The following RAB3C variants were observed in gnomAD, a reference collection of about 807,000 sequenced individuals.
RAB3C encodes the protein ras-related protein Rab-3C.
In RAB3C, 17 loss-of-function variants were observed where a neutral mutation model predicts 26.4. That is an observed-to-expected ratio of 0.64 (90% CI 0.44 to 0.97). The LOEUF is 0.97. Ranked by LOEUF, RAB3C falls within the 50% of genes least tolerant of loss-of-function variation. The pLI is 0.00. For missense variants in RAB3C, 242 were observed against 281.9 expected (o/e 0.86, Z 1.01); for synonymous variants, 91 against 95.9 (o/e 0.95, Z 0.30).
chr5:58,663,658 GA>G (rs2111810761), intron 2 of RAB3C, among the ~76,000 whole-genome samples: 1 of 152,164 alleles, frequency 6.6e-6, no homozygotes, highest in Non-Finnish European at 1.5e-5. Flanking sequence ...ATAAGGGTAA[GA>G]AAAGTTGCTT....
chr5:58,585,046 A>G (rs1357046709), intron 1 of RAB3C, among the ~76,000 whole-genome samples: 1 of 152,062 alleles, frequency 6.6e-6, no homozygotes, highest in Non-Finnish European at 1.5e-5. Flanking sequence ...GGATGGAGTT[A>G]TTGTCATATT....
intron 3 of RAB3C, among the ~76,000 whole-genome samples, chr5:58,771,816 C>CT (rs1009849339): frequency 1.2e-4 from 18 of 148,012 alleles, no homozygotes; most frequent in South Asian, 8.6e-4. Context: ...GTGAAAACAT[C>CT]TTTTTTTTTC....
At chr5:58,743,965 C>T (rs1741337485) in intron 3 of RAB3C, among the ~76,000 whole-genome samples, 1 of 152,178 alleles carries the variant, frequency 6.6e-6, no homozygotes, top group Non-Finnish European at 1.5e-5. Flanking sequence ...GCCCTTACCT[C>T]TATGGCCAAT....
At chr5:58,687,460 A>C (rs1019974701) in intron 2 of RAB3C, among the ~76,000 whole-genome samples, 4 of 152,156 alleles carry the variant, frequency 2.6e-5, no homozygotes, top group African/African-American at 9.7e-5. Context: ...TGTGGACTAA[A>C]AACAACAACA....
In RAB3C at chr5:58,800,231, C is replaced by A. The variant is rs539676007; in HGVS notation, c.372-24807C>A. Among the ~76,000 whole-genome samples the A allele has an allele frequency of 5.3e-5, 8 of 152,304 alleles. No individual in the cohort carries two copies. The South Asian group carries it at 1.5e-3, about 28-fold the overall frequency. ...TAACTAGTCATAAAGCAAACTCATT[C>A]TTTGGTGGTTATGAGAAGCAGCCTC... On this transcript the variant is annotated intron_variant, in intron 3 of 4. Transcript: ENST00000282878.
chr5:58,814,902 G>A (rs1743183313), intron 3 of RAB3C, among the ~76,000 whole-genome samples: 1 of 152,158 alleles, frequency 6.6e-6, no homozygotes, highest in African/African-American at 2.4e-5. Flanking sequence ...AGAATTGGAT[G>A]TGGTGCAAGG....
intron 3 of RAB3C, among the ~76,000 whole-genome samples, chr5:58,797,014 C>CACACACACACACA (rs1561133214): frequency 6.7e-6 from 1 of 149,434 alleles, no homozygotes; most frequent in African/African-American, 2.5e-5. Context: ...CACACACACA[C>CACACACACACACA]CTACCTTCCC....
In RAB3C at chr5:58,841,063, T is replaced by G. The variant is rs181657086; in HGVS notation, c.497-10101T>G. ...TGCAAGGCTGTTTCTTAGGCACTGA[T>G]GGAGAGTACAGGACCATTGGGTAGG... is the stretch of plus-strand genomic sequence containing the variant. On this transcript the variant is annotated intron_variant, in intron 4 of 4. Coordinates refer to ENST00000282878, the MANE Select transcript of RAB3C (RefSeq NM_138453.4). Among the ~76,000 whole-genome samples the G allele has an allele frequency of 9.7e-4, 148 of 152,276 alleles. 2 individuals carry two copies. The highest frequency in any genetic ancestry group is 8.5e-3 in the East Asian group (44 of 5,164).
chr5:58,620,213 T>C (rs1424704074), intron 2 of RAB3C, among the ~76,000 whole-genome samples: 4 of 152,172 alleles, frequency 2.6e-5, no homozygotes, highest in Non-Finnish European at 5.9e-5. Flanking sequence ...CTTTCCCCCA[T>C]CGTCAGTCAC....
intron 4 of RAB3C, 37 bp downstream of exon 4, chr5:58,825,199 T>A (rs1380559781): frequency 5.8e-5 from 92 of 1,590,266 alleles, no homozygotes; most frequent in Non-Finnish European, 7.9e-5. Context: ...AGAAAGATAA[T>A]TTGCTTATTA....
At chr5:58,749,881 T>C (rs1380911086) in intron 3 of RAB3C, among the ~76,000 whole-genome samples, 1 of 152,164 alleles carries the variant, frequency 6.6e-6, no homozygotes, top group Non-Finnish European at 1.5e-5. Context: ...TTTTATTAAG[T>C]TTGAGAATGT....
Position 58,734,717 on chromosome 5 carries a change from C to T in RAB3C, c.371+8597C>T, listed in dbSNP as rs539466805. Among the ~76,000 whole-genome samples, 7 of 152,312 alleles carry T rather than the reference C, an allele frequency of 4.6e-5. No individual in the cohort carries two copies. The East Asian group carries it at 9.6e-4, about 21-fold the overall frequency. ...TTCTAGCTTATCAGGCTAAAATCTT[C>T]GGAGTTAATCTTAACTTCTCATTTT... On this transcript the variant is annotated intron_variant, in intron 3 of 4. Transcript: ENST00000282878.
At chr5:58,842,114 CT>C (rs1402534675) in intron 4 of RAB3C, among the ~76,000 whole-genome samples, 1 of 152,148 alleles carries the variant, frequency 6.6e-6, no homozygotes, top group Non-Finnish European at 1.5e-5. Context: ...ATCCTTGACT[CT>C]TTTTTTCCTT....
In RAB3C at chr5:58,667,338, G is replaced by A. The variant is rs558428643; in HGVS notation, c.252+49468G>A. Among the ~76,000 whole-genome samples the A allele has an allele frequency of 1.8e-3, 267 of 152,288 alleles. 1 individual carries two copies. The highest frequency in any genetic ancestry group is 6.0e-3 in the African/African-American group (251 of 41,554). On this transcript the variant is annotated intron_variant, in intron 2 of 4. Coordinates refer to ENST00000282878, the MANE Select transcript of RAB3C (RefSeq NM_138453.4). ...GAATCTATTGTTTTCCTGACTTAAG[G>A]AAATGAAAGGGCAGACTTAGCTGCA... is the stretch of plus-strand genomic sequence containing the variant.
At chr5:58,793,893 G>T (rs1188815827) in intron 3 of RAB3C, among the ~76,000 whole-genome samples, 1 of 152,076 alleles carries the variant, frequency 6.6e-6, no homozygotes, top group Non-Finnish European at 1.5e-5. Flanking sequence ...CATTTCTATT[G>T]TGTGAGTTTA....
At chr5:58,806,412 G>A (rs1448807841) in intron 3 of RAB3C, among the ~76,000 whole-genome samples, 4 of 152,164 alleles carry the variant, frequency 2.6e-5, no homozygotes, top group Admixed American at 1.3e-4. Context: ...GGAGGAAGAA[G>A]AAACTGAATA....
chr5:58,682,409 G>A (rs1189654317), intron 2 of RAB3C, among the ~76,000 whole-genome samples: 1 of 152,148 alleles, frequency 6.6e-6, no homozygotes, highest in African/African-American at 2.4e-5. Context: ...TTTTGGCTGG[G>A]CGTGGTGGCT....
intron 2 of RAB3C, among the ~76,000 whole-genome samples, chr5:58,645,125 T>C (rs751287597): frequency 6.6e-6 from 1 of 152,248 alleles, no homozygotes; most frequent in African/African-American, 2.4e-5. Flanking sequence ...TGAAGGCTCC[T>C]GAATATGGCT....
intron 2 of RAB3C, among the ~76,000 whole-genome samples, chr5:58,620,816 A>T (rs2111729127): frequency 6.6e-6 from 1 of 152,280 alleles, no homozygotes; most frequent in East Asian, 1.9e-4. Flanking sequence ...ATCTTGAGTG[A>T]TGCATCTGGG....
Sources: gnomAD v4.1 joint callset for allele counts (sites outside exome capture counted in the v4.1 genomes callset) on GRCh38, gnomAD v4.1.1 for gene constraint, MANE v1.5 for transcripts, NCBI Gene and HGNC (gene_info 2026-07-23, HGNC 2026-07-21) for gene names.